The following CEP97 variants were observed in gnomAD, a reference collection of about 807,000 sequenced individuals.
The protein encoded by CEP97 is centrosomal protein of 97 kDa.
Under a neutral mutation model 73.1 loss-of-function variants are expected in CEP97, and 43 were observed. The observed-to-expected ratio is 0.59, with a 90% CI of 0.46 to 0.76. The LOEUF (loss-of-function observed/expected upper bound fraction) is 0.76, where lower values mean the gene tolerates loss of function less well. Ranked by LOEUF, CEP97 falls within the 30% of genes least tolerant of loss-of-function variation. The probability of loss-of-function intolerance (pLI) is 0.00; values close to 1 mark genes in which losing one functional copy is unlikely to be tolerated. For synonymous variants in CEP97, 337 were observed against 370.0 expected (o/e 0.91, Z 1.02); for missense variants, 939 against 1,014.0 (o/e 0.93, Z 1.00).
rs769072957 is a variant in CEP97 at position 101,758,260 on chromosome 3, A to G, written c.1654A>G (p.Lys552Glu). 6.2e-7 allele frequency: 1 copy of G among 1,614,218 alleles called. No individual in the cohort carries two copies. The highest frequency in any genetic ancestry group is 8.5e-7 in the Non-Finnish European group (1 of 1,180,042). The change falls in exon 9 of 11, where the codon AAA becomes GAA. Residue 552 changes from lysine (K) to glutamate (E), a missense_variant. By Grantham distance (56) the Lys-to-Glu change is moderately conservative. Coordinates refer to ENST00000341893, the MANE Select transcript of CEP97 (RefSeq NM_024548.4). The stretch of plus-strand genomic sequence containing the variant: ...GAGATCTGTTGCTTTGGGACAAGAC[A>G]AAGTTGCCCTTCAGAAATTAAATGA... ...TQRSVALGQD[K>E]VALQKLNDAA...
At position 101,768,653 on chromosome 3, in the gene CEP97, T is replaced by G. The variant is rs1282159312; in HGVS notation, c.*3102T>G. 6.6e-6 allele frequency: 1 copy of G among 152,130 alleles called. No homozygotes were observed. The allele number at this position is 152,130 out of a possible 1,614,324, so 9.4% of individuals were successfully genotyped here. On this transcript the variant is annotated 3_prime_UTR_variant, in exon 11 of 11. Coordinates refer to ENST00000341893, the MANE Select transcript of CEP97 (RefSeq NM_024548.4). ...GAGTTCAAGACCAGCCTGGACAACA[T>G]AGCAAGACCCCCCTCTCTACAAAAA...
intron 9 of CEP97, among the ~76,000 whole-genome samples, chr3:101,761,544 A>G (rs943298461): frequency 2.0e-5 from 3 of 152,292 alleles, no homozygotes; most frequent in Admixed American, 6.5e-5. Flanking sequence ...GCAGGATGGC[A>G]GGAGTTAAAG....
chr3:101,760,581 G>T (rs1939144438), intron 9 of CEP97, among the ~76,000 whole-genome samples: 1 of 152,054 alleles, frequency 6.6e-6, no homozygotes, highest in Non-Finnish European at 1.5e-5. Context: ...TTGCCCTCTT[G>T]CTGAGGCTGG....
In CEP97 at chr3:101,726,625, A is replaced by G. The variant is rs1359269119; in HGVS notation, c.75A>G (p.Leu25=). ...GSVVNWSGQG[L]QKLGPNLPCE... ...TGGTCAATTGGTCAGGACAGGGACTACAGAAATTAGGTCCAAATTTACCCT... is the reference window on the plus strand; with the variant it reads ...TGGTCAATTGGTCAGGACAGGGACTGCAGAAATTAGGTCCAAATTTACCCT... Residue 25 remains leucine, a synonymous_variant, in exon 2 of 11, where the codon CTA becomes CTG. Transcript: ENST00000341893. 8 of 1,611,502 alleles carry G rather than the reference A, an allele frequency of 5.0e-6. No individual in the cohort carries two copies. The highest frequency in any genetic ancestry group is 3.4e-5 in the Admixed American group (2 of 59,598).
chr3:101,742,047 A>AAAAAAAAAC (rs1553789000), intron 6 of CEP97, among the ~76,000 whole-genome samples: 1 of 138,748 alleles, frequency 7.2e-6, no homozygotes, highest in Non-Finnish European at 1.6e-5. Context: ...GTCTCAAAAA[A>AAAAAAAAAC]AAAAAAACAA....
Position 101,726,554 on chromosome 3 carries a change from A to G in CEP97, c.44-40A>G, listed in dbSNP as rs1937894965. On this transcript the variant is annotated intron_variant, in intron 1 of 10. Transcript: ENST00000341893. ...TATGCTTAGCTGTTGTACATGTTTT[A>G]TTTTATTTGTGTTTTCTAACATTTC... is the stretch of plus-strand genomic sequence containing the variant. The G allele has an allele frequency of 2.0e-6, 3 of 1,521,036 alleles. No individual in the cohort carries two copies. In the South Asian group the frequency reaches 3.8e-5, roughly 19 times the overall value. The allele number at this position is 1,521,036 out of a possible 1,614,324, so 94.2% of individuals were successfully genotyped here. A position where few individuals can be genotyped will look rare whatever the true frequency, so the allele number is the denominator to read the frequency against.
chr3:101,751,875 G>T (rs976294226), intron 6 of CEP97, among the ~76,000 whole-genome samples: 1 of 152,032 alleles, frequency 6.6e-6, no homozygotes, highest in African/African-American at 2.4e-5. Flanking sequence ...CAATTTGCCA[G>T]TCTGTGTCTT....
At chr3:101,755,281 G>T (rs995845713) in intron 6 of CEP97, 149 bp from the exon 7 acceptor site, 1 of 705,438 alleles carries the variant, frequency 1.4e-6, no homozygotes. Context: ...CAGAATGATA[G>T]ATTTTTTAAA....
chr3:101,752,293 G>A (rs1938854117), intron 6 of CEP97, among the ~76,000 whole-genome samples: 1 of 151,988 alleles, frequency 6.6e-6, no homozygotes, highest in South Asian at 2.1e-4. Context: ...TCCCTTTGTG[G>A]GTAACCCGAC....
At chr3:101,738,417 T>A (rs1938349528) in intron 6 of CEP97, among the ~76,000 whole-genome samples, 2 of 152,176 alleles carry the variant, frequency 1.3e-5, no homozygotes, top group African/African-American at 2.4e-5. Context: ...ACATCACACT[T>A]ATTCTAAAAT....
chr3:101,729,843 A>T (rs1293320670), intron 4 of CEP97, among the ~76,000 whole-genome samples: 1 of 151,798 alleles, frequency 6.6e-6, no homozygotes, highest in East Asian at 1.9e-4. Context: ...GCTCACTGCA[A>T]CCCAAGCAGT....
chr3:101,736,628 CA>C (rs1291351353), intron 6 of CEP97, among the ~76,000 whole-genome samples: 1 of 152,166 alleles, frequency 6.6e-6, no homozygotes, highest in Non-Finnish European at 1.5e-5. Context: ...GGAAAACTAA[CA>C]AACAGAAAGG....
chr3:101,752,046 A>G (rs974077321), intron 6 of CEP97, among the ~76,000 whole-genome samples: 6 of 151,936 alleles, frequency 3.9e-5, no homozygotes, highest in Admixed American at 1.3e-4. Context: ...GTTCCTTTCC[A>G]TGTTTAGTGC....
Position 101,765,786 on chromosome 3 carries a change from T to C in CEP97, c.*235T>C, listed in dbSNP as rs985660834. 25 of 402,478 alleles carry C rather than the reference T, an allele frequency of 6.2e-5. No individual in the cohort carries two copies. The highest frequency in any genetic ancestry group is 8.8e-5 in the Non-Finnish European group (20 of 226,616). 24.9% of individuals were successfully genotyped at this position (402,478 alleles called of 1,614,324 possible). A position where few individuals can be genotyped will look rare whatever the true frequency, so the allele number is the denominator to read the frequency against. On this transcript the variant is annotated 3_prime_UTR_variant, in exon 11 of 11. Transcript: ENST00000341893. ...CAAACTATTTATATTGAAAGCTATA[T>C]GCACTTTATTTCTTAACTGAATTGC... is the stretch of plus-strand genomic sequence containing the variant.
At chr3:101,754,001 A>T (rs1303368763) in intron 6 of CEP97, among the ~76,000 whole-genome samples, 4 of 147,186 alleles carry the variant, frequency 2.7e-5, no homozygotes. Context: ...TGCATCGCTC[A>T]TGCTGGGAGC....
At chr3:101,733,319 A>T (rs1938172413) in intron 6 of CEP97, among the ~76,000 whole-genome samples, 1 of 152,084 alleles carries the variant, frequency 6.6e-6, no homozygotes, top group Non-Finnish European at 1.5e-5. Flanking sequence ...TAATATATTA[A>T]TCTATCACAT....
rs1270888795 is a variant in CEP97, at chr3:101,769,937, G to A, written c.*4386G>A. The stretch of plus-strand genomic sequence containing the variant: ...TAAGATGAGGTGCTTTTTATCTGTG[G>A]ATGAATGGAAATCACACTGAATTTT... On this transcript the variant is annotated 3_prime_UTR_variant, in exon 11 of 11. Coordinates refer to ENST00000341893, the MANE Select transcript of CEP97 (RefSeq NM_024548.4). The A allele has an allele frequency of 1.3e-5, 2 of 152,160 alleles. No individual in the cohort carries two copies. Among genetic ancestry groups the A allele is most frequent in the Non-Finnish European group, 2.9e-5 (2 of 68,020 alleles). The allele number at this position is 152,160 out of a possible 1,614,324, so 9.4% of individuals were successfully genotyped here.
At position 101,758,166 on chromosome 3, in the gene CEP97, T is replaced by TA. The variant is rs751137660; in HGVS notation, c.1561dup (p.Thr521AsnfsTer6). The stretch of plus-strand genomic sequence containing the variant: ...AATCAGACATAAAGAAACCAGAAAA[T>TA]ACACAACCAGAAAATAAAGAAACCA... On this transcript the variant is annotated frameshift_variant, in exon 9 of 11. Coordinates refer to ENST00000341893, the MANE Select transcript of CEP97 (RefSeq NM_024548.4). LOFTEE classifies it high-confidence loss of function. 7 of 1,613,142 alleles carry TA rather than the reference T, an allele frequency of 4.3e-6. No homozygotes were observed. Among genetic ancestry groups the TA allele is most frequent in the African/African-American group, 1.3e-5 (1 of 74,682 alleles).
At chr3:101,760,413 G>T (rs2625283) in intron 9 of CEP97, among the ~76,000 whole-genome samples, 149,710 of 152,300 alleles carry the variant, frequency 0.98, 73,625 homozygotes, top group African/African-American at 0.99. Flanking sequence ...AGCTGCTCTG[G>T]TCTGATTCAG....
Sources: gnomAD v4.1 joint callset for allele counts (sites outside exome capture counted in the v4.1 genomes callset) on GRCh38, gnomAD v4.1.1 for gene constraint, MANE v1.5 for transcripts, NCBI Gene and HGNC (gene_info 2026-07-23, HGNC 2026-07-21) for gene names.